PLCD1: variants seen among roughly 807,000 people sequenced by gnomAD.
PLCD1 encodes phospholipase C delta 1.
In PLCD1, 71 loss-of-function variants were observed where a neutral mutation model predicts 87.4. The ratio of observed to expected loss-of-function variants is 0.81; its 90% CI spans 0.67 to 0.99. The LOEUF (loss-of-function observed/expected upper bound fraction) is 0.99, where lower values mean the gene tolerates loss of function less well. Among genes scored for constraint, PLCD1 ranks in the 50% least tolerant of loss-of-function variants. The pLI is 0.00. For missense variants in PLCD1, 867 were observed against 1,001.5 expected, an observed-to-expected ratio of 0.87 and a Z score of 1.81; for synonymous variants, 348 against 399.2, an observed-to-expected ratio of 0.87 and a Z score of 1.53.
chr3:38,024,496 T>A (rs765341273), intron 1 of PLCD1: 1 of 1,559,836 alleles, frequency 6.4e-7, no homozygotes, highest in African/African-American at 1.4e-5. Context: ...CTCCAGTGTT[T>A]TATGCTCACA....
intron 3 of PLCD1, among the ~76,000 whole-genome samples, chr3:38,012,668 T>C (rs1436209091): frequency 6.6e-6 from 1 of 151,914 alleles, no homozygotes; most frequent in Non-Finnish European, 1.5e-5. Context: ...AGGCGTATGC[T>C]ACCATGCCCA....
chr3:38,028,194 C>G (rs538036915), intron 1 of PLCD1, among the ~76,000 whole-genome samples: 3 of 152,224 alleles, frequency 2.0e-5, no homozygotes, highest in Non-Finnish European at 2.9e-5. Context: ...TCTCAGCTGC[C>G]CAGCCTCCCT....
chr3:38,024,663 C>G (rs1304518442), intron 1 of PLCD1: 2 of 1,513,154 alleles, frequency 1.3e-6, no homozygotes, highest in African/African-American at 1.4e-5. Context: ...GGTAGTCAGA[C>G]GCTAGGAGGC....
At position 38,021,343 on chromosome 3, in the gene PLCD1, G is replaced by A. The variant is rs374914908; in HGVS notation, c.35-991C>T. ...TTTAAGGCACAGTGCATCCCTTTCC[G>A]AAGCTGAGCAGGTCCTGTCCCAGAG... On this transcript the variant is annotated intron_variant, in intron 1 of 14. Transcript: ENST00000334661. Among the ~76,000 whole-genome samples the A allele has an allele frequency of 3.3e-4, 51 of 152,260 alleles. No homozygotes were observed. In the South Asian group the frequency reaches 7.3e-3, roughly 22 times the overall value.
chr3:38,016,756 A>G, intron 2 of PLCD1, 37 bp from the exon 3 acceptor site: 12 of 1,426,482 alleles, frequency 8.4e-6, no homozygotes, highest in Non-Finnish European at 1.2e-5. Flanking sequence ...GAGGGAGAGA[A>G]TGCTGTGAGG....
Position 38,009,962 on chromosome 3 carries a change from C to T in PLCD1, c.1229G>A (p.Gly410Asp). 1 of 1,613,774 alleles carries T rather than the reference C, an allele frequency of 6.2e-7. No homozygotes were observed. The highest frequency in any genetic ancestry group is 8.5e-7 in the Non-Finnish European group (1 of 1,179,750). ...CAGTGGTCGGTTCAACAGCATGGGG[C>T]CCAGGATGGCATGCAGGTGCCGCGC... ...VMARHLHAIL[G>D]PMLLNRPLDG... Residue 410 changes from glycine (G) to aspartate (D), a missense_variant, in exon 8 of 15, where the codon GGC (glycine) becomes GAC (aspartate). By Grantham distance (94) the Gly-to-Asp change is moderately conservative (BLOSUM62 -1). Transcript: ENST00000334661.
chr3:38,025,330 C>G lies in PLCD1; in HGVS notation c.34+4176G>C, dbSNP rs1700297564. Among the ~76,000 whole-genome samples the G allele has an allele frequency of 6.6e-6, 1 of 152,168 alleles. No homozygotes were observed. Among genetic ancestry groups the G allele is most frequent in the South Asian group, 2.1e-4 (1 of 4,830 alleles). Reference sequence around the variant, plus strand: ...GCCACCTTTGAGGCTGGCGCAGAACCGAAGGGCTGAGTCTGGGGAGAAAAG... The same window carrying G: ...GCCACCTTTGAGGCTGGCGCAGAACGGAAGGGCTGAGTCTGGGGAGAAAAG... On this transcript the variant is annotated intron_variant, in intron 1 of 14. Transcript: ENST00000334661. This position sits in a 1 kb window ranked among gnomAD's most constrained non-coding sequence, Gnocchi z 4.0.
At chr3:38,027,126 A>AGGAT (rs1241013959) in intron 1 of PLCD1, among the ~76,000 whole-genome samples, 2 of 152,162 alleles carry the variant, frequency 1.3e-5, no homozygotes, top group East Asian at 3.8e-4. Flanking sequence ...TGAAGGAAGG[A>AGGAT]GGATGGATGC....
At position 38,010,061 on chromosome 3, in the gene PLCD1, C is replaced by G; in HGVS notation, c.1138-8G>C. ...GACAGGGTAGGGGGACGCCTGGAGGCCCAAGGGCACATTAGGAGTGGTGGG... is the reference window on the plus strand; with the variant it reads ...GACAGGGTAGGGGGACGCCTGGAGGGCCAAGGGCACATTAGGAGTGGTGGG... On this transcript the variant is annotated splice_region_variant and splice_polypyrimidine_tract_variant and intron_variant, in intron 7 of 14. Transcript: ENST00000334661. The G allele has an allele frequency of 6.2e-7, 1 of 1,614,180 alleles. No individual in the cohort carries two copies. Among genetic ancestry groups the G allele is most frequent in the Admixed American group, 1.7e-5 (1 of 60,030 alleles).
rs958724036 is a variant in PLCD1, at chr3:38,016,513, C to T, written c.406G>A (p.Asp136Asn). The change falls in exon 3 of 15, where the codon GAC (aspartate) becomes AAC (asparagine). Residue 136 changes from aspartate (D) to asparagine (N), a missense_variant. Transcript: ENST00000334661. The part of the protein sequence containing the change: ...HKIIHHSGSM[D>N]QRQKLQHWIH... Reference sequence around the variant, plus strand: ...TACTGCTGTAGCTTCTGACGCTGGTCCATGGAGCCTGAGTGGTGGATGATC... The same window carrying T: ...TACTGCTGTAGCTTCTGACGCTGGTTCATGGAGCCTGAGTGGTGGATGATC... The T allele has an allele frequency of 1.2e-6, 2 of 1,613,360 alleles. No individual in the cohort carries two copies. The highest frequency in any genetic ancestry group is 2.7e-5 in the African/African-American group (2 of 74,908).
At chr3:38,021,003 AC>A (rs1167335193) in intron 1 of PLCD1, among the ~76,000 whole-genome samples, 2 of 152,030 alleles carry the variant, frequency 1.3e-5, no homozygotes, top group East Asian at 3.9e-4. Context: ...AACAGCAACC[AC>A]CTCAAAGGGA....
intron 5 of PLCD1, 139 bp downstream of exon 5, chr3:38,011,075 G>A: frequency 1.6e-6 from 1 of 640,312 alleles, no homozygotes; most frequent in Non-Finnish European, 2.7e-6. Flanking sequence ...GGACCAGAAA[G>A]TGTGGAGCAG....
intron 11 of PLCD1, 139 bp downstream of exon 11, chr3:38,008,903 A>G (rs1297495430): frequency 4.1e-6 from 3 of 723,402 alleles, no homozygotes; most frequent in Non-Finnish European, 7.3e-6. Flanking sequence ...CCAGACTGAT[A>G]TTACCAGCTC....
chr3:38,010,068 G>T lies in PLCD1; in HGVS notation c.1138-15C>A. On this transcript the variant is annotated splice_polypyrimidine_tract_variant and intron_variant, in intron 7 of 14. Transcript: ENST00000334661. Reference sequence around the variant, plus strand: ...TAGGGGGACGCCTGGAGGCCCAAGGGCACATTAGGAGTGGTGGGCCACCCC... The same window carrying T: ...TAGGGGGACGCCTGGAGGCCCAAGGTCACATTAGGAGTGGTGGGCCACCCC... The T allele has an allele frequency of 6.2e-7, 1 of 1,614,154 alleles. No homozygotes were observed. Among genetic ancestry groups the T allele is most frequent in the Non-Finnish European group, 8.5e-7 (1 of 1,179,978 alleles).
At chr3:38,027,003 G>A (rs1267656811) in intron 1 of PLCD1, among the ~76,000 whole-genome samples, 1 of 152,172 alleles carries the variant, frequency 6.6e-6, no homozygotes, top group Non-Finnish European at 1.5e-5. Context: ...TGTATGTGGG[G>A]GGTGTTCAGT....
chr3:38,016,805 G>C, intron 2 of PLCD1, 86 bp from the exon 3 acceptor site: 1 of 943,854 alleles, frequency 1.1e-6, no homozygotes, highest in South Asian at 1.4e-5. Context: ...CCACAGTAGA[G>C]AGGGGCATGG....
rs1302324265 is a variant in PLCD1 at position 38,010,568 on chromosome 3, A to C, written c.791-6T>G. The C allele has an allele frequency of 2.5e-6, 4 of 1,610,436 alleles. No individual in the cohort carries two copies. The highest frequency in any genetic ancestry group is 1.3e-5 in the African/African-American group (1 of 74,844). Reference sequence around the variant, plus strand: ...CATCTGCCGCTGCGCCTTGGCTGGGAGGGAGGAGGCCACTGCCCGTCAGAG... The same window carrying C: ...CATCTGCCGCTGCGCCTTGGCTGGGCGGGAGGAGGCCACTGCCCGTCAGAG... On this transcript the variant is annotated splice_polypyrimidine_tract_variant and splice_region_variant and intron_variant, in intron 5 of 14. Coordinates refer to ENST00000334661, the MANE Select transcript of PLCD1 (RefSeq NM_006225.4).
Position 38,025,620 on chromosome 3 carries a change from C to A in PLCD1, c.34+3886G>T, listed in dbSNP as rs1475424781. Reference sequence around the variant, plus strand: ...TGCAAACGAAATTCTTGAAAAAATTCTGATCTTAAAATAAGCCCATTAACC... The same window carrying A: ...TGCAAACGAAATTCTTGAAAAAATTATGATCTTAAAATAAGCCCATTAACC... On this transcript the variant is annotated intron_variant, in intron 1 of 14. Transcript: ENST00000334661. This position sits in a 1 kb window ranked among gnomAD's most constrained non-coding sequence, Gnocchi z 4.0. Among the ~76,000 whole-genome samples the A allele has an allele frequency of 6.6e-6, 1 of 152,216 alleles. No homozygotes were observed. The highest frequency in any genetic ancestry group is 1.9e-4 in the East Asian group (1 of 5,200).
chr3:38,009,653 C>T lies in PLCD1; in HGVS notation c.1446G>A (p.Lys482=). The change falls in exon 9 of 15, where the codon AAG becomes AAA. Residue 482 remains lysine (K), a splice_region_variant and synonymous_variant. Coordinates refer to ENST00000334661, the MANE Select transcript of PLCD1 (RefSeq NM_006225.4). ...AVRSRVQHKP[K]EDKLRLAQEL... ...CCCACCCCACAGCTCCCCCTCAAAC[C>T]TTGGGCTTGTGCTGCACACGGCTCC... 1 of 1,614,124 alleles carries T rather than the reference C, an allele frequency of 6.2e-7. No individual in the cohort carries two copies. The highest frequency in any genetic ancestry group is 8.5e-7 in the Non-Finnish European group (1 of 1,180,014).
Sources: gnomAD v4.1 joint callset for allele counts (sites outside exome capture counted in the v4.1 genomes callset) on GRCh38, gnomAD v4.1.1 for gene constraint, Gnocchi (gnomAD v3.1) non-coding constraint, MANE v1.5 for transcripts, NCBI Gene and HGNC (gene_info 2026-07-23, HGNC 2026-07-21) for gene names.